Variants in NLRP3 observed in about 807,000 individuals in gnomAD.
The protein encoded by NLRP3 is NACHT, LRR and PYD domains-containing protein 3.
NLRP3 carries 48 observed loss-of-function variants against 91.3 expected under a neutral mutation model. That is an observed-to-expected ratio of 0.53 (90% CI 0.42 to 0.67). The LOEUF (loss-of-function observed/expected upper bound fraction) is 0.67, where lower values mean the gene tolerates loss of function less well. Ranked by LOEUF, NLRP3 falls within the 30% of genes least tolerant of loss-of-function variation. The pLI, the probability that NLRP3 is intolerant of heterozygous loss-of-function variation, is 0.00. For synonymous variants in NLRP3, 561 were observed against 507.9 expected, an observed-to-expected ratio of 1.10 and a Z score of -1.41; for missense variants, 982 against 1,276.9, an observed-to-expected ratio of 0.77 and a Z score of 3.52.
chr1:247,419,256 G>A (rs537303132), intron 2 of NLRP3, among the ~76,000 whole-genome samples, 179 bp downstream of exon 2: 7 of 151,910 alleles, frequency 4.6e-5, no homozygotes, highest in Admixed American at 4.6e-4. Context: ...CCGGGTTCAA[G>A]CGATTTTCCT....
chr1:247,438,899 A>G (rs78810089), intron 7 of NLRP3, among the ~76,000 whole-genome samples: 13,995 of 152,274 alleles, frequency 0.092, 890 homozygotes, highest in Middle Eastern at 0.15. Context: ...AGAGCCATTT[A>G]CAATAGTCTG....
chr1:247,437,120 C>T (rs1033526997), intron 7 of NLRP3, among the ~76,000 whole-genome samples: 2 of 152,186 alleles, frequency 1.3e-5, no homozygotes, highest in African/African-American at 4.8e-5. Context: ...CTAATGGGCT[C>T]TCTACAGGGC....
chr1:247,429,957 C>G (rs1036985022), intron 5 of NLRP3, among the ~76,000 whole-genome samples: 1 of 152,160 alleles, frequency 6.6e-6, no homozygotes. Context: ...TCACTGCAAT[C>G]TCTGCCTCCT....
chr1:247,423,224 T>C lies in NLRP3; in HGVS notation c.278-6T>C, dbSNP rs756926136. On this transcript the variant is annotated splice_polypyrimidine_tract_variant and splice_region_variant and intron_variant, in intron 2 of 9. Transcript: ENST00000336119. The stretch of plus-strand genomic sequence containing the variant: ...TGGGTTTTGACACCTTTTTTTTCCC[T>C]TTTAGGTTCAGATAATGCACGTGTT... 7 of 1,613,916 alleles carry C rather than the reference T, an allele frequency of 4.3e-6. No individual in the cohort carries two copies. In the Admixed American group the frequency reaches 1.2e-4, roughly 27 times the overall value.
At chr1:247,443,532 G>A (rs1664375580) in intron 7 of NLRP3, among the ~76,000 whole-genome samples, 1 of 150,060 alleles carries the variant, frequency 6.7e-6, no homozygotes, top group African/African-American at 2.5e-5. Flanking sequence ...GACTTCCCAT[G>A]AGGAGGATTT....
rs375733624 is a variant in NLRP3 at position 247,435,947 on chromosome 1, A to G, written c.2493-23A>G. 9.9e-6 allele frequency: 16 copies of G among 1,612,440 alleles called. No individual in the cohort carries two copies. In the African/African-American group the frequency reaches 2.0e-4, roughly 20 times the overall value. Reference sequence around the variant, plus strand: ...GGAGCGTGGGTGAGAGACATGACTGACATTCTGCCATCTCTATGGAAGGTT... The same window carrying G: ...GGAGCGTGGGTGAGAGACATGACTGGCATTCTGCCATCTCTATGGAAGGTT... On this transcript the variant is annotated intron_variant, in intron 6 of 9. Transcript: ENST00000336119.
chr1:247,428,896 C>CT (rs1174663389), intron 4 of NLRP3, among the ~76,000 whole-genome samples: 5,556 of 136,452 alleles, frequency 0.041, 212 homozygotes, highest in African/African-American at 0.082. Context: ...TTTTCTTTTT[C>CT]TTTTTTTTTT....
In NLRP3 at chr1:247,444,803, G is replaced by C. The variant is rs199517145; in HGVS notation, c.2987G>C (p.Cys996Ser). 53 of 1,613,838 alleles carry C rather than the reference G, an allele frequency of 3.3e-5. No homozygotes were observed. The highest frequency in any genetic ancestry group is 4.4e-5 in the Non-Finnish European group (52 of 1,180,016). ...MFCEVLKQQS[C>S]LLQNLGLSEM... The stretch of plus-strand genomic sequence containing the variant: ...TGTGAAGTGCTGAAACAGCAGAGCT[G>C]CCTCCTGCAGAACCTGGGGTGAGTG... The change falls in exon 9 of 10, where the codon TGC becomes TCC. Residue 996 changes from cysteine (C) to serine (S), a missense_variant. Coordinates refer to ENST00000336119, the MANE Select transcript of NLRP3 (RefSeq NM_001243133.2).
chr1:247,442,997 C>T (rs1664330547), intron 7 of NLRP3, among the ~76,000 whole-genome samples: 1 of 152,164 alleles, frequency 6.6e-6, no homozygotes, highest in South Asian at 2.1e-4. Flanking sequence ...GCAATCTCGG[C>T]TCACTGCAAC....
chr1:247,441,508 C>T (rs1261243347), intron 7 of NLRP3, among the ~76,000 whole-genome samples: 2 of 152,156 alleles, frequency 1.3e-5, no homozygotes, highest in African/African-American at 2.4e-5. Flanking sequence ...CCACCTTGGC[C>T]TCCCAAAGCA....
At position 247,428,759 on chromosome 1, in the gene NLRP3, G is replaced by A. The variant is rs60844398; in HGVS notation, c.2151-826G>A. On this transcript the variant is annotated intron_variant, in intron 4 of 9. Coordinates refer to ENST00000336119, the MANE Select transcript of NLRP3 (RefSeq NM_001243133.2). ...TGCTTGAGCCCAGGAGTTTGAGGCT[G>A]CAGTGAGCTATGATCATGGCACTGC... Among the ~76,000 whole-genome samples the A allele has an allele frequency of 9.7e-3, 1,471 of 152,250 alleles. 31 individuals are homozygous for A. Among genetic ancestry groups the A allele is most frequent in the African/African-American group, 0.034 (1,430 of 41,524 alleles).
In NLRP3 at chr1:247,418,297, A is replaced by G. The variant is rs200736896; in HGVS notation, c.-504A>G. 2 of 209,070 alleles carry G rather than the reference A, an allele frequency of 9.6e-6. No homozygotes were observed. Among genetic ancestry groups the G allele is most frequent in the African/African-American group, 4.7e-5 (2 of 42,202 alleles). The allele number at this position is 209,070 out of a possible 1,614,324, so 13.0% of individuals were successfully genotyped here. On this transcript the variant is annotated 5_prime_UTR_variant, in exon 2 of 10. Coordinates refer to ENST00000336119, the MANE Select transcript of NLRP3 (RefSeq NM_001243133.2). ...CCAACAGGAGAACTTTCTGGTAAGC[A>G]TTTGGCTAACTTTTTTTTTTTTGAG...
intron 6 of NLRP3, among the ~76,000 whole-genome samples, chr1:247,434,742 C>A (rs1351881666): frequency 1.3e-5 from 2 of 152,070 alleles, no homozygotes; most frequent in African/African-American, 4.8e-5. Context: ...CCATTTCTCA[C>A]CCATTAGGAT....
Position 247,418,469 on chromosome 1 carries a change from T to G in NLRP3, c.-332T>G. The G allele has an allele frequency of 2.9e-6, 1 of 348,128 alleles. No homozygotes were observed. Among genetic ancestry groups the G allele is most frequent in the Non-Finnish European group, 5.6e-6 (1 of 179,376 alleles). The allele number at this position is 348,128 out of a possible 1,614,324, so 21.6% of individuals were successfully genotyped here. The stretch of plus-strand genomic sequence containing the variant: ...GGCGCCCGCCACCACACCCGGCTCA[T>G]TTTTGTACTTTTAGTAGAGACACAG... On this transcript the variant is annotated 5_prime_UTR_variant, in exon 2 of 10. Coordinates refer to ENST00000336119, the MANE Select transcript of NLRP3 (RefSeq NM_001243133.2).
chr1:247,418,854 G>A lies in NLRP3; in HGVS notation c.54G>A (p.Val18=). Residue 18 remains valine (V), a synonymous_variant, in exon 2 of 10, where the codon GTG becomes GTA. Coordinates refer to ENST00000336119, the MANE Select transcript of NLRP3 (RefSeq NM_001243133.2). ...GGTACCTGGAGGACCTGGAGGATGT[G>A]GACTTGAAGAAATTTAAGATGCACT... is the stretch of plus-strand genomic sequence containing the variant. ...LARYLEDLED[V]DLKKFKMHLE... The A allele has an allele frequency of 6.2e-7, 1 of 1,614,062 alleles. No individual in the cohort carries two copies. The highest frequency in any genetic ancestry group is 8.5e-7 in the Non-Finnish European group (1 of 1,180,026).
chr1:247,419,098 TA>T (rs764773922), intron 2 of NLRP3, 21 bp downstream of exon 2: 52 of 1,600,202 alleles, frequency 3.2e-5, no homozygotes, highest in Non-Finnish European at 3.9e-5. Flanking sequence ...GGAAGACTTT[TA>T]AAAAAAATTG....
intron 7 of NLRP3, among the ~76,000 whole-genome samples, chr1:247,443,733 C>T (rs1458386819): frequency 2.6e-5 from 4 of 152,092 alleles, no homozygotes; most frequent in African/African-American, 4.8e-5. Context: ...GCTCAGTTTG[C>T]CTTGGCTCTT....
In NLRP3 at chr1:247,424,957, T is replaced by A; in HGVS notation, c.1508T>A (p.Met503Lys). ...GCGGATGTGTCTGCTTTCCTGAGGA[T>A]GAACCTGTTCCAAAAGGAAGTGGAC... The part of the protein sequence containing the change: ...QKADVSAFLR[M>K]NLFQKEVDCE... Residue 503 changes from methionine (M) to lysine (K), a missense_variant, in exon 4 of 10, where the codon ATG becomes AAG. Coordinates refer to ENST00000336119, the MANE Select transcript of NLRP3 (RefSeq NM_001243133.2). This position sits in a 1 kb window ranked among gnomAD's most constrained non-coding sequence, Gnocchi z 8.1. The A allele has an allele frequency of 6.2e-7, 1 of 1,614,126 alleles. No homozygotes were observed. The highest frequency in any genetic ancestry group is 1.7e-5 in the Admixed American group (1 of 60,022).
At chr1:247,430,897 A>G (rs909569152) in intron 5 of NLRP3, among the ~76,000 whole-genome samples, 50 of 151,968 alleles carry the variant, frequency 3.3e-4, no homozygotes, top group African/African-American at 1.1e-3. Context: ...TCCCCCGAGT[A>G]GCTGGGACTA....
Sources: allele counts gnomAD v4.1 joint callset (sites outside exome capture counted in the v4.1 genomes callset), GRCh38; gene constraint gnomAD v4.1.1; non-coding constraint Gnocchi (gnomAD v3.1); transcripts MANE v1.5; gene names NCBI Gene and HGNC (gene_info 2026-07-23, HGNC 2026-07-21).